CLDND1: variants seen among roughly 807,000 people sequenced by gnomAD.
The protein encoded by CLDND1 is claudin domain containing 1.
CLDND1 carries 13 observed loss-of-function variants against 26.3 expected under a neutral mutation model. The ratio of observed to expected loss-of-function variants is 0.49; its 90% CI spans 0.32 to 0.78. The LOEUF (loss-of-function observed/expected upper bound fraction) is 0.78. Ranked by LOEUF, CLDND1 falls within the 30% of genes least tolerant of loss-of-function variation. The pLI, the probability that CLDND1 is intolerant of heterozygous loss-of-function variation, is 0.03. For synonymous variants in CLDND1, 107 were observed against 107.0 expected (o/e 1.00, Z 0.00); for missense variants, 289 against 312.8 (o/e 0.92, Z 0.57).
intron 1 of CLDND1, chr3:98,522,431 A>T: frequency 1.5e-6 from 1 of 665,234 alleles, no homozygotes; most frequent in Non-Finnish European, 1.9e-6. Flanking sequence ...AGTTTGGAAA[A>T]TGGGAAGTGA....
At chr3:98,519,070 A>G in intron 2 of CLDND1, 75 bp from the exon 3 acceptor site, 1 of 870,838 alleles carries the variant, frequency 1.1e-6, no homozygotes, top group Non-Finnish European at 1.8e-6. Flanking sequence ...TTATTCTCTG[A>G]AGTAAAACAG....
chr3:98,521,549 G>A (rs1180767703), intron 1 of CLDND1, 107 bp from the exon 2 acceptor site: 38 of 1,456,782 alleles, frequency 2.6e-5, no homozygotes, highest in Admixed American at 3.7e-5. Context: ...CCATCCCTTC[G>A]TACATATAAC....
At chr3:98,521,569 T>A (rs1326133827) in intron 1 of CLDND1, 127 bp from the exon 2 acceptor site, 2 of 1,459,340 alleles carry the variant, frequency 1.4e-6, no homozygotes, top group Admixed American at 3.6e-5. Context: ...CCATTAAGAA[T>A]TTTTTTTAGA....
At chr3:98,517,219 T>C (rs773159200) in intron 3 of CLDND1, 30 bp from the exon 4 acceptor site, 1 of 1,603,666 alleles carries the variant, frequency 6.2e-7, no homozygotes, top group Admixed American at 1.7e-5. Context: ...AAAAGAAATG[T>C]TACCGTGATT....
intron 3 of CLDND1, 32 bp from the exon 4 acceptor site, chr3:98,517,221 A>T: frequency 6.2e-7 from 1 of 1,603,300 alleles, no homozygotes; most frequent in Non-Finnish European, 8.5e-7. Context: ...AAGAAATGTT[A>T]CCGTGATTTC....
chr3:98,522,453 T>TA (rs1405383721), intron 1 of CLDND1: 17 of 854,410 alleles, frequency 2.0e-5, no homozygotes, highest in Non-Finnish European at 2.4e-5. Flanking sequence ...TCAGGAAAGA[T>TA]AAGAGCAATG....
At chr3:98,518,378 G>A (rs1706250363) in intron 3 of CLDND1, among the ~76,000 whole-genome samples, 1 of 152,294 alleles carries the variant, frequency 6.6e-6, no homozygotes, top group South Asian at 2.1e-4. Flanking sequence ...TGGGCTGCCT[G>A]ACCATCAGGG....
chr3:98,518,479 C>G (rs1007384782), intron 3 of CLDND1, among the ~76,000 whole-genome samples: 1 of 152,148 alleles, frequency 6.6e-6, no homozygotes, highest in African/African-American at 2.4e-5. Flanking sequence ...TTTTGACAGG[C>G]CTGACAACTC....
chr3:98,516,664 C>T lies in CLDND1; in HGVS notation c.757G>A (p.Ala253Thr), dbSNP rs1314678645. The T allele has an allele frequency of 6.2e-7, 1 of 1,612,648 alleles. No individual in the cohort carries two copies. Among genetic ancestry groups the T allele is most frequent in the Non-Finnish European group, 8.5e-7 (1 of 1,179,442 alleles). The change falls in exon 5 of 5, where the codon GCA (alanine) becomes ACA (threonine). Residue 253 changes from alanine (A) to threonine (T), a missense_variant. By Grantham distance (58) the Ala-to-Thr change is moderately conservative (BLOSUM62 0). Coordinates refer to ENST00000341181, the MANE Select transcript of CLDND1 (RefSeq NM_001040181.2). Reference sequence around the variant, plus strand: ...TAAAGCAGGCAGTTTCTTGCTCATGCCACACGATATGCCTTCATTAAGGTG... The same window carrying T: ...TAAAGCAGGCAGTTTCTTGCTCATGTCACACGATATGCCTTCATTAAGGTG... ...EYTLMKAYRV[A>T]
Position 98,515,567 on chromosome 3 carries a change from CA to C in CLDND1, c.*1091del. 1 of 947,668 alleles carries C rather than the reference CA, an allele frequency of 1.1e-6. No individual in the cohort carries two copies. Among genetic ancestry groups the C allele is most frequent in the Non-Finnish European group, 1.3e-6 (1 of 765,684 alleles). The allele number at this position is 947,668 out of a possible 1,614,324, so 58.7% of individuals were successfully genotyped here. On this transcript the variant is annotated 3_prime_UTR_variant, in exon 5 of 5. Transcript: ENST00000341181. ...ATGAAGTTACATTTTTTTAATCTGT[CA>C]ATTGCTACAGTAGTGGAATAAATAA...
intron 1 of CLDND1, 24 bp downstream of exon 1, chr3:98,522,825 G>A: frequency 6.2e-7 from 1 of 1,613,708 alleles, no homozygotes; most frequent in Non-Finnish European, 8.5e-7. Context: ...CCCCTGCCCG[G>A]CGACGCAGGT....
chr3:98,519,034 C>A (rs761388998), intron 2 of CLDND1, 39 bp from the exon 3 acceptor site: 2 of 1,184,950 alleles, frequency 1.7e-6, no homozygotes, highest in Admixed American at 1.9e-5. Context: ...TAATTATAAA[C>A]ATTTAACAAA....
chr3:98,516,669 C>A lies in CLDND1; in HGVS notation c.752G>T (p.Arg251Leu), dbSNP rs147410947. ...RKEYTLMKAYRVA is the reference protein window; with the variant it reads ...RKEYTLMKAYLVA Reference sequence around the variant, plus strand: ...CAGGCAGTTTCTTGCTCATGCCACACGATATGCCTTCATTAAGGTGTACTC... The same window carrying A: ...CAGGCAGTTTCTTGCTCATGCCACAAGATATGCCTTCATTAAGGTGTACTC... Residue 251 changes from arginine to leucine, a missense_variant, in exon 5 of 5, where the codon CGT becomes CTT. Arg to Leu is a moderately radical substitution (Grantham distance 102, BLOSUM62 -2). Coordinates refer to ENST00000341181, the MANE Select transcript of CLDND1 (RefSeq NM_001040181.2). The A allele has an allele frequency of 2.5e-6, 4 of 1,613,964 alleles. No homozygotes were observed. Among genetic ancestry groups the A allele is most frequent in the Middle Eastern group, 1.7e-4 (1 of 6,056 alleles).
At position 98,516,760 on chromosome 3, in the gene CLDND1, C is replaced by T. The variant is rs1295280358; in HGVS notation, c.661G>A (p.Val221Ile). 1 of 1,614,140 alleles carries T rather than the reference C, an allele frequency of 6.2e-7. No homozygotes were observed. Among genetic ancestry groups the T allele is most frequent in the East Asian group, 2.2e-5 (1 of 44,880 alleles). Residue 221 changes from valine (V) to isoleucine (I), a missense_variant, in exon 5 of 5, where the codon GTC becomes ATC. Physicochemically the swap from Val to Ile is conservative, Grantham distance 29 (BLOSUM62 3). Coordinates refer to ENST00000341181, the MANE Select transcript of CLDND1 (RefSeq NM_001040181.2). ...GCCATGAACTGTAAGGGAGCAGAGA[C>T]ACAAGCCAGGCAGAAGGACCATCCA... ...EFGWSFCLACVSAPLQFMASA... is the reference protein window; with the variant it reads ...EFGWSFCLACISAPLQFMASA...
In CLDND1 at chr3:98,517,066, A is replaced by C; in HGVS notation, c.527T>G (p.Leu176Arg). The C allele has an allele frequency of 1.2e-6, 2 of 1,614,160 alleles. No individual in the cohort carries two copies. Among genetic ancestry groups the C allele is most frequent in the Middle Eastern group, 3.3e-4 (2 of 6,062 alleles). ...SLYPTIATGI[L>R]HLLAGLCTLG... is the part of the protein sequence containing the mutation. ...ACAAAACCTACCTGCAAGGAGATGGAGAATGCCCGTGGCAATGGTGGGATA... is the reference window on the plus strand; with the variant it reads ...ACAAAACCTACCTGCAAGGAGATGGCGAATGCCCGTGGCAATGGTGGGATA... Residue 176 changes from leucine to arginine, a missense_variant, in exon 4 of 5, where the codon CTC (leucine) becomes CGC (arginine). Coordinates refer to ENST00000341181, the MANE Select transcript of CLDND1 (RefSeq NM_001040181.2).
In CLDND1 at chr3:98,518,801, C is replaced by G. The variant is rs1365399256; in HGVS notation, c.403+84G>C. The G allele has an allele frequency of 3.7e-6, 3 of 812,924 alleles. No homozygotes were observed. In the African/African-American group the frequency reaches 5.1e-5, roughly 14 times the overall value. The allele number at this position is 812,924 out of a possible 1,614,324, so 50.4% of individuals were successfully genotyped here. A position where few individuals can be genotyped will look rare whatever the true frequency, so the allele number is the denominator to read the frequency against. ...ACGTTGGCACAATCTACTAACTCAT[C>G]TTATTCCAAAAACATAGTCCAAAAA... is the stretch of plus-strand genomic sequence containing the variant. On this transcript the variant is annotated intron_variant, in intron 3 of 4. Transcript: ENST00000341181.
At position 98,515,714 on chromosome 3, in the gene CLDND1, T is replaced by C. The variant is rs2107137791; in HGVS notation, c.*945A>G. On this transcript the variant is annotated 3_prime_UTR_variant, in exon 5 of 5. Coordinates refer to ENST00000341181, the MANE Select transcript of CLDND1 (RefSeq NM_001040181.2). ...TTTAGGCAAGGAAAGGCACATCATA[T>C]TACCACAAGAAATAAAGACCATAGT... 8 of 1,289,566 alleles carry C rather than the reference T, an allele frequency of 6.2e-6. 1 individual carries two copies. The South Asian group carries it at 8.6e-5, about 14-fold the overall frequency. The allele number at this position is 1,289,566 out of a possible 1,614,324, so 79.9% of individuals were successfully genotyped here.
rs776964620 is a variant in CLDND1 at position 98,517,092 on chromosome 3, T to C, written c.501A>G (p.Leu167=). 66 of 1,614,016 alleles carry C rather than the reference T, an allele frequency of 4.1e-5. No individual in the cohort carries two copies. The East Asian group carries it at 1.3e-3, about 32-fold the overall frequency. The stretch of plus-strand genomic sequence containing the variant: ...GAATGCCCGTGGCAATGGTGGGATA[T>C]AAGCTTCGGCAAATGCAAGCACAAA... The part of the protein sequence containing the change: ...IGLCACICRS[L]YPTIATGILH... Residue 167 remains leucine, a synonymous_variant, in exon 4 of 5, where the codon TTA becomes TTG. Coordinates refer to ENST00000341181, the MANE Select transcript of CLDND1 (RefSeq NM_001040181.2).
At chr3:98,522,539 G>A in intron 1 of CLDND1, 1 of 1,270,786 alleles carries the variant, frequency 7.9e-7, no homozygotes, top group Non-Finnish European at 9.9e-7. Context: ...GCTCTCAAAT[G>A]ACCTTAAAGG....
Sources: gnomAD v4.1 joint callset for allele counts (sites outside exome capture counted in the v4.1 genomes callset) on GRCh38, gnomAD v4.1.1 for gene constraint, MANE v1.5 for transcripts, NCBI Gene and HGNC (gene_info 2026-07-23, HGNC 2026-07-21) for gene names.